CYP3A43: variants seen among roughly 807,000 people sequenced by gnomAD.
CYP3A43 encodes the protein cytochrome P450 3A43.
A neutral mutation model predicts 58.0 loss-of-function variants in CYP3A43; 45 were observed. The observed-to-expected ratio is 0.78, with a 90% confidence interval of 0.61 to 0.99. CYP3A43 has a LOEUF of 0.99. CYP3A43 is among the 50% of genes least tolerant of loss of function. The pLI is 0.00. For missense variants in CYP3A43, 593 were observed against 591.9 expected (o/e 1.00, Z -0.02); for synonymous variants, 191 against 201.4 (o/e 0.95, Z 0.44).
rs1468299064 is a variant in CYP3A43, at chr7:99,861,490, C to T, written c.1027-123C>T. 5 of 833,046 alleles carry T rather than the reference C, an allele frequency of 6.0e-6. No individual in the cohort carries two copies. The African/African-American group carries it at 8.6e-5, about 14-fold the overall frequency. The allele number at this position is 833,046 out of a possible 1,614,324, so 51.6% of individuals were successfully genotyped here. ...GAATTATTAAAATAATTTATAAATGCAACAATCTTTTACCAGAATGAATTA... is the reference window on the plus strand; with the variant it reads ...GAATTATTAAAATAATTTATAAATGTAACAATCTTTTACCAGAATGAATTA... On this transcript the variant is annotated intron_variant, in intron 10 of 12. Coordinates refer to ENST00000354829, the MANE Select transcript of CYP3A43 (RefSeq NM_057095.3).
chr7:99,865,796 T>G lies in CYP3A43; in HGVS notation c.1417-110T>G, dbSNP rs748954913. On this transcript the variant is annotated intron_variant, in intron 12 of 12. Coordinates refer to ENST00000354829, the MANE Select transcript of CYP3A43 (RefSeq NM_057095.3). The stretch of plus-strand genomic sequence containing the variant: ...AACATGTATGGTGCTGAAAGTAGTT[T>G]TTTTTTAGTCATTGCAAAGCATTAC... 104 of 673,388 alleles carry G rather than the reference T, an allele frequency of 1.5e-4. 2 individuals are homozygous for G. The highest frequency in any genetic ancestry group is 2.1e-4 in the Non-Finnish European group (91 of 426,404). 41.7% of individuals were successfully genotyped at this position (673,388 alleles called of 1,614,324 possible).
At chr7:99,829,124 C>T (rs2151584061) in intron 1 of CYP3A43, among the ~76,000 whole-genome samples, 1 of 152,228 alleles carries the variant, frequency 6.6e-6, no homozygotes, top group South Asian at 2.1e-4. Context: ...TATTGTGGGC[C>T]TCCAGCACAT....
intron 7 of CYP3A43, chr7:99,849,955 A>T (rs1444073332): frequency 6.0e-4 from 218 of 363,512 alleles, no homozygotes; most frequent in African/African-American, 2.6e-3. Context: ...CTTCCTCACC[A>T]TTTTTTTTTT....
chr7:99,854,749 A>G (rs1018444330), intron 7 of CYP3A43, among the ~76,000 whole-genome samples: 2 of 152,056 alleles, frequency 1.3e-5, no homozygotes, highest in African/African-American at 2.4e-5. Flanking sequence ...TTGGCATATC[A>G]TGTCTTCATT....
chr7:99,842,752 C>T (rs1351905184), intron 3 of CYP3A43, among the ~76,000 whole-genome samples: 1 of 152,204 alleles, frequency 6.6e-6, no homozygotes, highest in African/African-American at 2.4e-5. Flanking sequence ...AATGCTGTGT[C>T]ATAACCTCAT....
rs745978316 is a variant in CYP3A43 at position 99,865,917 on chromosome 7, A to G, written c.1428A>G (p.Lys476=). The G allele has an allele frequency of 6.2e-7, 1 of 1,604,522 alleles. No individual in the cohort carries two copies. The highest frequency in any genetic ancestry group is 1.7e-5 in the Admixed American group (1 of 58,764). ...TTTAACTTTTGCAGATCCCACTGAA[A>G]TTAGACAATCTACCAATTCTTCAAC... is the stretch of plus-strand genomic sequence containing the variant. ...KPCKETQIPL[K]LDNLPILQPE... Residue 476 remains lysine (K), a synonymous_variant, in exon 13 of 13, where the codon AAA becomes AAG. Coordinates refer to ENST00000354829, the MANE Select transcript of CYP3A43 (RefSeq NM_057095.3).
intron 6 of CYP3A43, among the ~76,000 whole-genome samples, chr7:99,849,336 G>A (rs1248398963): frequency 6.6e-6 from 1 of 152,182 alleles, no homozygotes; most frequent in Non-Finnish European, 1.5e-5. Flanking sequence ...ACTCACCTTA[G>A]TGTCTCCATC....
intron 12 of CYP3A43, 77 bp downstream of exon 12, chr7:99,863,776 G>GAAAAA: frequency 2.5e-6 from 3 of 1,209,270 alleles, no homozygotes; most frequent in Non-Finnish European, 3.3e-6. Context: ...AAAAATTATT[G>GAAAAA]TTCATTTTTC....
chr7:99,833,967 C>T (rs796524544), intron 1 of CYP3A43, among the ~76,000 whole-genome samples: 1 of 152,136 alleles, frequency 6.6e-6, no homozygotes, highest in Non-Finnish European at 1.5e-5. Flanking sequence ...ATCCAGGGAC[C>T]ACCTGGACCA....
intron 3 of CYP3A43, among the ~76,000 whole-genome samples, chr7:99,843,043 A>G (rs947366982): frequency 6.6e-6 from 1 of 152,156 alleles, no homozygotes; most frequent in African/African-American, 2.4e-5. Context: ...CTTTGCCTCT[A>G]TTCTCTCTTT....
intron 10 of CYP3A43, 47 bp from the exon 11 acceptor site, chr7:99,861,566 G>A (rs1327755617): frequency 3.9e-6 from 6 of 1,556,732 alleles, no homozygotes; most frequent in Non-Finnish European, 4.4e-6. Flanking sequence ...TAAGTTGAAA[G>A]TTAATTCCCA....
chr7:99,829,265 C>G (rs1179508158), intron 1 of CYP3A43, among the ~76,000 whole-genome samples: 1 of 152,142 alleles, frequency 6.6e-6, no homozygotes, highest in African/African-American at 2.4e-5. Context: ...ATGCTGCCAA[C>G]AAAAAGAGCC....
At position 99,855,742 on chromosome 7, in the gene CYP3A43, G is replaced by A. The variant is rs1231125124; in HGVS notation, c.798+24G>A. The A allele has an allele frequency of 3.2e-6, 5 of 1,581,180 alleles. No individual in the cohort carries two copies. The East Asian group carries it at 9.1e-5, about 29-fold the overall frequency. ...AGGTAAAATCTGGTGGTGGTGACAT[G>A]AGAATGTTCACTTTTTTATTATATT... On this transcript the variant is annotated intron_variant, in intron 8 of 12. Transcript: ENST00000354829.
chr7:99,861,951 G>A, intron 11 of CYP3A43, 112 bp downstream of exon 11: 1 of 923,220 alleles, frequency 1.1e-6, no homozygotes, highest in Non-Finnish European at 1.6e-6. Context: ...CATTTTGGAA[G>A]TTTTTTATTA....
intron 9 of CYP3A43, among the ~76,000 whole-genome samples, chr7:99,858,967 G>C (rs1158508819): frequency 6.6e-6 from 1 of 152,070 alleles, no homozygotes; most frequent in African/African-American, 2.4e-5. Context: ...AAAGTGCTGG[G>C]ATTACACGCT....
chr7:99,841,105 C>T (rs748755233), intron 3 of CYP3A43, among the ~76,000 whole-genome samples: 42 of 152,118 alleles, frequency 2.8e-4, no homozygotes, highest in Non-Finnish European at 5.7e-4. Context: ...GCTTGAGATC[C>T]GTCTCCACAT....
At chr7:99,856,171 G>A (rs1201163925) in intron 8 of CYP3A43, among the ~76,000 whole-genome samples, 2 of 152,170 alleles carry the variant, frequency 1.3e-5, no homozygotes, top group Admixed American at 6.5e-5. Flanking sequence ...TCCCTACCAG[G>A]CTACCTGCAG....
chr7:99,846,344 A>G (rs1817542937), intron 4 of CYP3A43, among the ~76,000 whole-genome samples: 1 of 152,116 alleles, frequency 6.6e-6, no homozygotes, highest in Non-Finnish European at 1.5e-5. Flanking sequence ...TTTCATTTTC[A>G]TTGACATGTA....
chr7:99,860,338 G>T (rs1818180002), intron 10 of CYP3A43, among the ~76,000 whole-genome samples: 1 of 152,106 alleles, frequency 6.6e-6, no homozygotes, highest in Non-Finnish European at 1.5e-5. Flanking sequence ...GGCTGGACTC[G>T]CTGTGGTCTG....
Sources: gnomAD v4.1 joint callset for allele counts (sites outside exome capture counted in the v4.1 genomes callset) on GRCh38, gnomAD v4.1.1 for gene constraint, MANE v1.5 for transcripts, NCBI Gene and HGNC (gene_info 2026-07-23, HGNC 2026-07-21) for gene names.